Variants in SPOP observed in about 807,000 individuals in gnomAD.
SPOP encodes the protein speckle type BTB/POZ protein.
In SPOP, 11 loss-of-function variants were observed where a neutral mutation model predicts 45.6. The ratio of observed to expected loss-of-function variants is 0.24; its 90% CI spans 0.15 to 0.40. The LOEUF (loss-of-function observed/expected upper bound fraction) is 0.40. Ranked by LOEUF, SPOP falls within the 10% of genes least tolerant of loss-of-function variation. The pLI, the probability that SPOP is intolerant of heterozygous loss-of-function variation, is 1.00. For synonymous variants in SPOP, 166 were observed against 166.3 expected (o/e 1.00, Z 0.01); for missense variants, 152 against 465.6 (o/e 0.33, Z 6.20).
intron 1 of SPOP, among the ~76,000 whole-genome samples, chr17:49,637,445 C>A (rs897107508): frequency 6.6e-6 from 1 of 151,976 alleles, no homozygotes; most frequent in African/African-American, 2.4e-5. Context: ...CCACCTCCCA[C>A]GTTCAAGCAA....
Position 49,600,295 on chromosome 17 carries a change from T to C in SPOP, c.*83A>G. 6.4e-7 allele frequency: 1 copy of C among 1,565,750 alleles called. No homozygotes were observed. The highest frequency in any genetic ancestry group is 1.1e-5 in the South Asian group (1 of 88,182). ...ACAACAGAGTAAAAGCTCCACAGAT[T>C]GCGCTGTCTACCTGGTGGTCAGTGG... On this transcript the variant is annotated 3_prime_UTR_variant, in exon 10 of 10. Transcript: ENST00000504102. The surrounding 1 kb of genome is among the most constrained non-coding windows in gnomAD (Gnocchi z 4.2).
chr17:49,604,735 T>G (rs1199793691), intron 8 of SPOP, among the ~76,000 whole-genome samples: 1 of 152,134 alleles, frequency 6.6e-6, no homozygotes, highest in Non-Finnish European at 1.5e-5. Context: ...CACCAATTCT[T>G]TCACCCTTCC....
chr17:49,623,891 T>C (rs1015101392), intron 1 of SPOP, among the ~76,000 whole-genome samples: 1 of 152,168 alleles, frequency 6.6e-6, no homozygotes, highest in Admixed American at 6.5e-5. Flanking sequence ...TTTTTTGTTT[T>C]TTCACCAGTC....
chr17:49,669,028 G>A (rs971419519), intron 1 of SPOP, among the ~76,000 whole-genome samples: 36 of 151,452 alleles, frequency 2.4e-4, no homozygotes, highest in Non-Finnish European at 3.7e-4. Flanking sequence ...CGCCCATCTC[G>A]GCCTCCCAAA....
chr17:49,621,507 T>C (rs2072221204), intron 3 of SPOP, among the ~76,000 whole-genome samples: 1 of 152,196 alleles, frequency 6.6e-6, no homozygotes, highest in African/African-American at 2.4e-5. Flanking sequence ...TAAAGAGATT[T>C]TTATGTTAAA....
At chr17:49,676,596 AG>A (rs2073202564) in intron 1 of SPOP, among the ~76,000 whole-genome samples, 1 of 152,238 alleles carries the variant, frequency 6.6e-6, no homozygotes, top group Non-Finnish European at 1.5e-5. Flanking sequence ...TTATCCAGCT[AG>A]GAGACGGGAT....
intron 1 of SPOP, among the ~76,000 whole-genome samples, chr17:49,630,684 C>A (rs1482714224): frequency 6.6e-6 from 1 of 152,024 alleles, no homozygotes; most frequent in Non-Finnish European, 1.5e-5. Context: ...GCTCTTGGCC[C>A]CAGGCAATCC....
At chr17:49,654,001 A>G (rs1212618763) in intron 1 of SPOP, among the ~76,000 whole-genome samples, 1 of 152,124 alleles carries the variant, frequency 6.6e-6, no homozygotes, top group Non-Finnish European at 1.5e-5. Context: ...ATGAATCCCA[A>G]GAAGGCCTAA....
At position 49,678,029 on chromosome 17, in the gene SPOP, TACACACACACTCGGAGCGCGCACACTCAC is replaced by T. The variant is rs1401407332; in HGVS notation, c.-192_-164del. The T allele has an allele frequency of 1.3e-5, 5 of 398,684 alleles. No individual in the cohort carries two copies. The highest frequency in any genetic ancestry group is 1.0e-4 in the African/African-American group (5 of 48,306). 24.7% of individuals were successfully genotyped at this position (398,684 alleles called of 1,614,324 possible). A position where few individuals can be genotyped will look rare whatever the true frequency, so the allele number is the denominator to read the frequency against. On this transcript the variant is annotated 5_prime_UTR_variant, in exon 1 of 10. It removes the in-frame stop codon of an upstream open reading frame in the 5' UTR. Transcript: ENST00000504102. ...ACCTGCGGGACCGCCGATACACAAA[TACACACACACTCGGAGCGCGCACACTCAC>T]ACACACACATACACACCGACACACA...
intron 1 of SPOP, among the ~76,000 whole-genome samples, chr17:49,645,875 GTTT>G (rs929501549): frequency 1.5e-5 from 2 of 137,084 alleles, no homozygotes; most frequent in South Asian, 2.4e-4. Flanking sequence ...ACCTGTTGTT[GTTT>G]TTTTTTCCTT....
chr17:49,647,299 G>A (rs1394058481), intron 1 of SPOP, among the ~76,000 whole-genome samples: 1 of 120,040 alleles, frequency 8.3e-6, no homozygotes, highest in Admixed American at 9.7e-5. Flanking sequence ...TACAGAGTGA[G>A]TGAGATGCCG....
At chr17:49,677,748 G>A (rs1173259597) in intron 1 of SPOP, among the ~76,000 whole-genome samples, 185 bp downstream of exon 1, 3 of 151,636 alleles carry the variant, frequency 2.0e-5, no homozygotes, top group African/African-American at 7.3e-5. Flanking sequence ...AGGGAGAAGG[G>A]ACGGCTGATT....
Position 49,607,287 on chromosome 17 carries a change from T to A in SPOP, c.800A>T (p.Asp267Val). 6.2e-7 allele frequency: 1 copy of A among 1,614,156 alleles called. No individual in the cohort carries two copies. The highest frequency in any genetic ancestry group is 8.5e-7 in the Non-Finnish European group (1 of 1,180,022). ...TGCCAGCAAATCATCAGCCATTTTG[T>A]CGAGGTTTGGAGCCTTCCCCGTGTA... Reference protein sequence around the residue: ...FIYTGKAPNLDKMADDLLAAA... With the variant: ...FIYTGKAPNLVKMADDLLAAA... Residue 267 changes from aspartate (D) to valine (V), a missense_variant, in exon 8 of 10, where the codon GAC (aspartate) becomes GTC (valine). Asp to Val is a radical substitution (Grantham distance 152, BLOSUM62 -3). This residue lies in a region of SPOP where 106 missense variants were observed against 255.2 expected (regional missense o/e 0.42). Transcript: ENST00000504102.
Position 49,619,002 on chromosome 17 carries a change from G to A in SPOP, c.459C>T (p.Asp153=), listed in dbSNP as rs2143261159. ...TCACCTCGCAGAAGAGGGTAAGCTT[G>A]TCATCAGGGAGAAGCCCGTTGGCCT... ...LDEANGLLPD[D]KLTLFCEVSV... Residue 153 remains aspartate, a synonymous_variant, in exon 5 of 10, where the codon GAC becomes GAT. Transcript: ENST00000504102. The surrounding 1 kb of genome is among the most constrained non-coding windows in gnomAD (Gnocchi z 4.9). 1.2e-6 allele frequency: 2 copies of A among 1,613,984 alleles called. No individual in the cohort carries two copies. Among genetic ancestry groups the A allele is most frequent in the Non-Finnish European group, 8.5e-7 (1 of 1,179,980 alleles).
intron 5 of SPOP, 53 bp downstream of exon 5, chr17:49,618,928 C>T: frequency 6.4e-7 from 1 of 1,569,720 alleles, no homozygotes; most frequent in Non-Finnish European, 8.6e-7. Flanking sequence ...TTAAGTCTAC[C>T]AATACTCATC....
chr17:49,609,224 C>G (rs1426063099), intron 6 of SPOP, among the ~76,000 whole-genome samples: 1 of 152,178 alleles, frequency 6.6e-6, no homozygotes, highest in Non-Finnish European at 1.5e-5. Flanking sequence ...CTGCCATTTT[C>G]TAACCACATA....
At chr17:49,605,577 C>G (rs1239454426) in intron 8 of SPOP, among the ~76,000 whole-genome samples, 1 of 152,108 alleles carries the variant, frequency 6.6e-6, no homozygotes, top group Non-Finnish European at 1.5e-5. Context: ...GTAATCTCAG[C>G]TACTCGGGAG....
In SPOP at chr17:49,619,491, A is replaced by AT; in HGVS notation, c.201-107dup. The AT allele has an allele frequency of 1.6e-6, 2 of 1,233,546 alleles. No homozygotes were observed. The highest frequency in any genetic ancestry group is 2.2e-6 in the Non-Finnish European group (2 of 905,452). 76.4% of individuals were successfully genotyped at this position (1,233,546 alleles called of 1,614,324 possible). On this transcript the variant is annotated intron_variant, in intron 3 of 9. Transcript: ENST00000504102. The surrounding 1 kb of genome is among the most constrained non-coding windows in gnomAD (Gnocchi z 4.9). Reference sequence around the variant, plus strand: ...TGTTTAAAAAACAAATGCAGGCCCCATAGAAGAATATAATTCAGTAGAATG... The same window carrying AT: ...TGTTTAAAAAACAAATGCAGGCCCCATTAGAAGAATATAATTCAGTAGAATG...
At chr17:49,644,069 T>C (rs1231701709) in intron 1 of SPOP, among the ~76,000 whole-genome samples, 1 of 150,190 alleles carries the variant, frequency 6.7e-6, no homozygotes, top group Non-Finnish European at 1.5e-5. Flanking sequence ...ATGCAAAATA[T>C]TAAAATACAA....
Sources: gnomAD v4.1 joint callset for allele counts (sites outside exome capture counted in the v4.1 genomes callset) on GRCh38, gnomAD v4.1.1 for gene constraint, gnomAD v4.1.1 regional missense constraint, Gnocchi (gnomAD v3.1) non-coding constraint, MANE v1.5 for transcripts, NCBI Gene and HGNC (gene_info 2026-07-23, HGNC 2026-07-21) for gene names.